The following PLCG2 variants were observed in gnomAD, a reference collection of about 807,000 sequenced individuals.
PLCG2 encodes the protein phospholipase C gamma 2, also known as 1-phosphatidylinositol 4,5-bisphosphate phosphodiesterase gamma-2.
In PLCG2, 69 loss-of-function variants were observed where a neutral mutation model predicts 175.6. That is an observed-to-expected ratio of 0.39 (90% CI 0.32 to 0.48). The LOEUF is 0.48. Among genes scored for constraint, PLCG2 ranks in the 20% least tolerant of loss-of-function variants. The pLI is 0.91. For synonymous variants in PLCG2, 827 were observed against 624.0 expected (o/e 1.33, Z -4.85); for missense variants, 1,798 against 1,650.9 (o/e 1.09, Z -1.54).
intron 2 of PLCG2, among the ~76,000 whole-genome samples, chr16:81,807,616 C>A (rs546826841): frequency 7.9e-5 from 12 of 152,280 alleles, no homozygotes; most frequent in African/African-American, 2.9e-4. Context: ...GTGTTCAATA[C>A]GCATTATTTC....
At chr16:81,940,258 A>G (rs1375781662) in intron 30 of PLCG2, among the ~76,000 whole-genome samples, 199 bp downstream of exon 30, 4 of 152,156 alleles carry the variant, frequency 2.6e-5, no homozygotes, top group South Asian at 2.1e-4. Flanking sequence ...AGGGGAGGCT[A>G]TGCCCCTCAA....
intron 2 of PLCG2, among the ~76,000 whole-genome samples, chr16:81,825,927 T>C (rs1166543334): frequency 1.3e-5 from 2 of 152,150 alleles, no homozygotes; most frequent in African/African-American, 2.4e-5. Flanking sequence ...AAAGAAGACA[T>C]AGAAATCAGA....
upstream of PLCG2, among the ~76,000 whole-genome samples, chr16:81,774,520 C>A (rs944806772): frequency 6.6e-6 from 1 of 152,132 alleles, no homozygotes; most frequent in Non-Finnish European, 1.5e-5. Context: ...AGCTGGGACT[C>A]GGCTCGTCGC....
chr16:81,942,828 A>G (rs1911000775), intron 30 of PLCG2, among the ~76,000 whole-genome samples: 1 of 151,480 alleles, frequency 6.6e-6, no homozygotes, highest in South Asian at 2.1e-4. Flanking sequence ...CTGGGTGCTC[A>G]AAGCCAGATG....
chr16:81,760,708 C>A (rs946453296), intron 2 of PLCG2, among the ~76,000 whole-genome samples: 2 of 145,080 alleles, frequency 1.4e-5, no homozygotes, highest in Non-Finnish European at 1.5e-5. Context: ...GGCAGGAGTT[C>A]AAGAGCAGCC....
At position 81,959,000 on chromosome 16, in the gene PLCG2, T is replaced by C. The variant is rs1432450988; in HGVS notation, c.*1002T>C. The stretch of plus-strand genomic sequence containing the variant: ...ATGCAGCCATCTCCCTTGGGGCAGA[T>C]CTACCTAGTTCATGACAGTATGTGC... On this transcript the variant is annotated 3_prime_UTR_variant, in exon 33 of 33. Coordinates refer to ENST00000564138, the MANE Select transcript of PLCG2 (RefSeq NM_002661.5). 4 of 223,596 alleles carry C rather than the reference T, an allele frequency of 1.8e-5. No homozygotes were observed. The highest frequency in any genetic ancestry group is 2.7e-5 in the Non-Finnish European group (3 of 112,034). The allele number at this position is 223,596 out of a possible 1,614,324, so 13.9% of individuals were successfully genotyped here.
At chr16:81,912,847 A>G in intron 19 of PLCG2, 131 bp downstream of exon 19, 1 of 1,153,188 alleles carries the variant, frequency 8.7e-7, no homozygotes, top group East Asian at 2.7e-5. Context: ...CGACAACAAC[A>G]ACCACCACAG....
chr16:81,785,888 A>T (rs530412276), intron 1 of PLCG2, 55 bp from the exon 2 acceptor site: 101 of 1,105,626 alleles, frequency 9.1e-5, no homozygotes, highest in Non-Finnish European at 1.3e-4. Flanking sequence ...ATGCCCTGTT[A>T]ACTAAACCCC....
intron 2 of PLCG2, among the ~76,000 whole-genome samples, chr16:81,797,445 T>G (rs1597323909): frequency 6.6e-6 from 1 of 152,212 alleles, no homozygotes; most frequent in East Asian, 1.9e-4. Flanking sequence ...GGGTTGACTT[T>G]TCCTGCTTTC....
At chr16:81,939,823 T>C (rs1235890669) in intron 29 of PLCG2, 69 bp from the exon 30 acceptor site, 2 of 1,001,656 alleles carry the variant, frequency 2.0e-6, no homozygotes, top group African/African-American at 3.2e-5. Context: ...AGCTGAAGGA[T>C]GCGGAGATTG....
At chr16:81,745,518 C>A (rs1050275666) in intron 1 of PLCG2, among the ~76,000 whole-genome samples, 2 of 152,150 alleles carry the variant, frequency 1.3e-5, no homozygotes, top group Non-Finnish European at 2.9e-5. Context: ...TAGCCACTGG[C>A]CACAGACTGC....
chr16:81,845,748 G>A (rs1227170784), intron 2 of PLCG2, among the ~76,000 whole-genome samples: 4 of 152,242 alleles, frequency 2.6e-5, no homozygotes, highest in Non-Finnish European at 5.9e-5. Context: ...AGATGCCCCT[G>A]CCTGATGTAA....
intron 20 of PLCG2, 78 bp from the exon 21 acceptor site, chr16:81,921,120 G>A (rs1910042460): frequency 3.4e-6 from 3 of 870,894 alleles, no homozygotes; most frequent in African/African-American, 1.6e-5. Context: ...CCATAAGGAA[G>A]CCTAGAACCC....
At chr16:81,848,572 T>C (rs936643837) in intron 2 of PLCG2, among the ~76,000 whole-genome samples, 1 of 152,186 alleles carries the variant, frequency 6.6e-6, no homozygotes, top group African/African-American at 2.4e-5. Flanking sequence ...TCCCTCTCTG[T>C]CTCCCTTGGT....
chr16:81,755,753 T>G (rs1012904989), intron 1 of PLCG2: 1 of 152,100 alleles, frequency 6.6e-6, no homozygotes, highest in Non-Finnish European at 1.5e-5. Flanking sequence ...CTCCAATTCC[T>G]GACCTCAAGT....
At chr16:81,748,996 G>GA (rs1443658472) in intron 1 of PLCG2, among the ~76,000 whole-genome samples, 1 of 152,204 alleles carries the variant, frequency 6.6e-6, no homozygotes, top group East Asian at 1.9e-4. Flanking sequence ...GGTGGCAGGA[G>GA]AGAGCTCAGG....
rs1157731599 is a variant in PLCG2 at position 81,802,093 on chromosome 16, C to CTTTTTTTTTTT, written c.193+15939_193+15949dup. ...GTTAGCTCCTTCAGGTGAGTACAGT[C>CTTTTTTTTTTT]TTTTTTTTTTTTTTTTTTTTTTTTT... is the stretch of plus-strand genomic sequence containing the variant. On this transcript the variant is annotated intron_variant, in intron 2 of 32. Coordinates refer to ENST00000564138, the MANE Select transcript of PLCG2 (RefSeq NM_002661.5). Among the ~76,000 whole-genome samples the CTTTTTTTTTTT allele has an allele frequency of 3.4e-3, 138 of 40,010 alleles. 50 individuals are homozygous for CTTTTTTTTTTT. The highest frequency in any genetic ancestry group is 0.013 in the East Asian group (10 of 760). 26.2% of individuals were successfully genotyped at this position (40,010 alleles called of 152,430 possible).
intron 2 of PLCG2, among the ~76,000 whole-genome samples, chr16:81,763,219 G>T (rs1208266642): frequency 1.3e-5 from 2 of 152,222 alleles, no homozygotes; most frequent in Non-Finnish European, 1.5e-5. Flanking sequence ...TGCCGCAGAT[G>T]ATTCTGCTGT....
chr16:81,879,118 G>A (rs1907956601), intron 7 of PLCG2, among the ~76,000 whole-genome samples: 1 of 152,150 alleles, frequency 6.6e-6, no homozygotes. Flanking sequence ...TTTGTTGAAA[G>A]GAATGTAAAG....
Sources: allele counts gnomAD v4.1 joint callset (sites outside exome capture counted in the v4.1 genomes callset), GRCh38; gene constraint gnomAD v4.1.1; transcripts MANE v1.5; gene names NCBI Gene and HGNC (gene_info 2026-07-23, HGNC 2026-07-21).